Variants in GINS1 observed in about 807,000 individuals in gnomAD.
GINS1 encodes GINS complex subunit 1.
Under a neutral mutation model 34.9 loss-of-function variants are expected in GINS1, and 26 were observed. The observed-to-expected ratio is 0.74, with a 90% CI of 0.55 to 1.03. The LOEUF (loss-of-function observed/expected upper bound fraction) is 1.03, where lower values mean the gene tolerates loss of function less well. GINS1 is among the 50% of genes least tolerant of loss of function. The pLI is 0.00. For missense variants in GINS1, 235 were observed against 237.9 expected (o/e 0.99, Z 0.08); for synonymous variants, 97 against 84.4 (o/e 1.15, Z -0.82).
At chr20:25,439,432 G>A (rs543898177) in intron 5 of GINS1, among the ~76,000 whole-genome samples, 1 of 152,258 alleles carries the variant, frequency 6.6e-6, no homozygotes, top group African/African-American at 2.4e-5. Context: ...CAACACTTTG[G>A]GAGGCCAAAG....
Position 25,439,268 on chromosome 20 carries a change from A to G in GINS1, c.448-2434A>G, listed in dbSNP as rs376185091. Reference sequence around the variant, plus strand: ...CAGAAAGTACATAACACCATTTGCCACAAAATCACCTTATCTGATGTAGAC... The same window carrying G: ...CAGAAAGTACATAACACCATTTGCCGCAAAATCACCTTATCTGATGTAGAC... On this transcript the variant is annotated intron_variant, in intron 5 of 6. Coordinates refer to ENST00000262460, the MANE Select transcript of GINS1 (RefSeq NM_021067.5). 1.2e-3 allele frequency among the ~76,000 whole-genome samples: 183 copies of G among 152,320 alleles called. 1 individual carries two copies. The highest frequency in any genetic ancestry group is 4.2e-3 in the African/African-American group (175 of 41,566).
At chr20:25,445,270 C>T (rs1307488241) in intron 6 of GINS1, among the ~76,000 whole-genome samples, 1 of 152,126 alleles carries the variant, frequency 6.6e-6, no homozygotes, top group African/African-American at 2.4e-5. Flanking sequence ...TCTCGGCTCA[C>T]CCCCAGGTTC....
At chr20:25,443,624 G>A (rs915855741) in intron 6 of GINS1, among the ~76,000 whole-genome samples, 10 of 151,646 alleles carry the variant, frequency 6.6e-5, no homozygotes, top group Non-Finnish European at 7.4e-5. Flanking sequence ...GATTACAGGC[G>A]CCTGCCACCA....
At chr20:25,428,904 G>T (rs545380626) in intron 5 of GINS1, among the ~76,000 whole-genome samples, 47 of 149,632 alleles carry the variant, frequency 3.1e-4, no homozygotes, top group Non-Finnish European at 5.8e-4. Flanking sequence ...GTAGTATTTC[G>T]ATTGTTGTAG....
At chr20:25,440,757 G>A (rs1397272226) in intron 5 of GINS1, among the ~76,000 whole-genome samples, 6 of 148,596 alleles carry the variant, frequency 4.0e-5, no homozygotes, top group South Asian at 2.1e-4. Context: ...GTTGTAGTGC[G>A]TGGAGATCAC....
intron 4 of GINS1, among the ~76,000 whole-genome samples, chr20:25,422,305 G>C (rs1049995519): frequency 6.6e-6 from 1 of 151,990 alleles, no homozygotes; most frequent in African/African-American, 2.4e-5. Context: ...TGGATGCAGT[G>C]GCTCACACCC....
At chr20:25,435,475 T>TG (rs1420344265) in intron 5 of GINS1, among the ~76,000 whole-genome samples, 3 of 152,032 alleles carry the variant, frequency 2.0e-5, no homozygotes, top group Non-Finnish European at 4.4e-5. Context: ...TTAAAGTTTT[T>TG]GGGGCCAGGT....
In GINS1 at chr20:25,447,845, A is replaced by T. The variant is rs1319871215; in HGVS notation, c.*1854A>T. 1.3e-5 allele frequency: 2 copies of T among 152,174 alleles called. No homozygotes were observed. 9.4% of individuals were successfully genotyped at this position (152,174 alleles called of 1,614,324 possible). On this transcript the variant is annotated 3_prime_UTR_variant, in exon 7 of 7. Transcript: ENST00000262460. ...CTTTGCTTTTGATGTGAAATTTGGG[A>T]ACAGGCAGGGTGTGGTGGCTTATGC...
rs2090254425 is a variant in GINS1 at position 25,407,739 on chromosome 20, G to C, written c.-82G>C. 1 of 1,055,466 alleles carries C rather than the reference G, an allele frequency of 9.5e-7. No homozygotes were observed. The highest frequency in any genetic ancestry group is 1.6e-5 in the African/African-American group (1 of 64,112). The allele number at this position is 1,055,466 out of a possible 1,614,324, so 65.4% of individuals were successfully genotyped here. A position where few individuals can be genotyped will look rare whatever the true frequency, so the allele number is the denominator to read the frequency against. On this transcript the variant is annotated 5_prime_UTR_variant, in exon 1 of 7. Coordinates refer to ENST00000262460, the MANE Select transcript of GINS1 (RefSeq NM_021067.5). ...TGGCGCTGTAGGACTAGAACGAAAGGAGTGAGGCGCCGAGAGCCCAGATAC... is the reference window on the plus strand; with the variant it reads ...TGGCGCTGTAGGACTAGAACGAAAGCAGTGAGGCGCCGAGAGCCCAGATAC...
At chr20:25,432,856 T>G (rs2090434897) in intron 5 of GINS1, among the ~76,000 whole-genome samples, 1 of 148,534 alleles carries the variant, frequency 6.7e-6, no homozygotes, top group South Asian at 2.1e-4. Context: ...AGTATATGTT[T>G]ATTATATATT....
intron 5 of GINS1, among the ~76,000 whole-genome samples, chr20:25,434,756 A>G (rs1232661878): frequency 1.3e-5 from 2 of 152,164 alleles, no homozygotes; most frequent in Non-Finnish European, 1.5e-5. Flanking sequence ...GCCTGTCTCA[A>G]TTAATTCTGG....
In GINS1 at chr20:25,417,138, A is replaced by T. The variant is rs1282406957; in HGVS notation, c.175A>T (p.Ile59Leu). The change falls in exon 3 of 7, where the codon ATA (isoleucine) becomes TTA (leucine). Residue 59 changes from isoleucine (I) to leucine (L), a missense_variant. By Grantham distance (5) the Ile-to-Leu change is conservative (BLOSUM62 2). Transcript: ENST00000262460. ...EAKSGGRSDL[I>L]PTIKFRHCSL... Reference sequence around the variant, plus strand: ...AAAGTCAGGTGGACGAAGTGATTTGATACCAACTATCAAATTTCGACACTG... The same window carrying T: ...AAAGTCAGGTGGACGAAGTGATTTGTTACCAACTATCAAATTTCGACACTG... The T allele has an allele frequency of 7.5e-6, 12 of 1,591,656 alleles. No homozygotes were observed. The highest frequency in any genetic ancestry group is 6.7e-5 in the Admixed American group (4 of 59,664).
intron 4 of GINS1, among the ~76,000 whole-genome samples, chr20:25,423,088 T>C (rs1403566054): frequency 6.6e-6 from 1 of 151,990 alleles, no homozygotes; most frequent in Non-Finnish European, 1.5e-5. Flanking sequence ...AGCTTATTCC[T>C]TTTTAATGCT....
chr20:25,433,183 T>A (rs1383811464), intron 5 of GINS1, among the ~76,000 whole-genome samples: 1 of 152,134 alleles, frequency 6.6e-6, no homozygotes, highest in African/African-American at 2.4e-5. Flanking sequence ...TAATTACTGA[T>A]AAGGAAGGAC....
At chr20:25,432,509 C>T (rs185820068) in intron 5 of GINS1, among the ~76,000 whole-genome samples, 1 of 152,066 alleles carries the variant, frequency 6.6e-6, no homozygotes, top group African/African-American at 2.4e-5. Flanking sequence ...CTCTGTTGTC[C>T]AGGATGGAGT....
chr20:25,408,524 G>A (rs1195065658), intron 1 of GINS1, among the ~76,000 whole-genome samples: 2 of 152,088 alleles, frequency 1.3e-5, no homozygotes, highest in African/African-American at 4.8e-5. Flanking sequence ...CCCAGGGAGA[G>A]TGCTAAGCAC....
rs1168851719 is a variant in GINS1, at chr20:25,441,863, T to C, written c.522+87T>C. 2.6e-5 allele frequency: 18 copies of C among 698,500 alleles called. No homozygotes were observed. In the East Asian group the frequency reaches 3.8e-4, roughly 15 times the overall value. The allele number at this position is 698,500 out of a possible 1,614,324, so 43.3% of individuals were successfully genotyped here. A position where few individuals can be genotyped will look rare whatever the true frequency, so the allele number is the denominator to read the frequency against. ...GGAATAGCAAAATAAATATCAACTT[T>C]TGATGATCGTTTATATATTAGGCAT... On this transcript the variant is annotated intron_variant, in intron 6 of 6. Transcript: ENST00000262460.
intron 5 of GINS1, among the ~76,000 whole-genome samples, chr20:25,437,211 A>G (rs2090458969): frequency 6.6e-6 from 1 of 152,236 alleles, no homozygotes; most frequent in Non-Finnish European, 1.5e-5. Context: ...AATCCCCTGG[A>G]ATTCACTTCA....
intron 6 of GINS1, among the ~76,000 whole-genome samples, chr20:25,444,443 GT>G (rs1370216869): frequency 6.6e-6 from 1 of 152,118 alleles, no homozygotes; most frequent in Non-Finnish European, 1.5e-5. Flanking sequence ...GAACAACTCA[GT>G]TATTTTGTTT....
Sources: gnomAD v4.1 joint callset for allele counts (sites outside exome capture counted in the v4.1 genomes callset) on GRCh38, gnomAD v4.1.1 for gene constraint, MANE v1.5 for transcripts, NCBI Gene and HGNC (gene_info 2026-07-23, HGNC 2026-07-21) for gene names.